The following NFX1 variants were observed in gnomAD, a reference collection of about 807,000 sequenced individuals.
NFX1 encodes the protein transcriptional repressor NF-X1.
NFX1 carries 69 observed loss-of-function variants against 137.2 expected under a neutral mutation model. The observed-to-expected ratio is 0.50, with a 90% CI of 0.41 to 0.61. The LOEUF is 0.61. Among genes scored for constraint, NFX1 ranks in the 20% least tolerant of loss-of-function variants. NFX1 has a pLI of 0.00. For synonymous variants in NFX1, 495 were observed against 474.1 expected, an observed-to-expected ratio of 1.04 and a Z score of -0.57; for missense variants, 1,167 against 1,391.0, an observed-to-expected ratio of 0.84 and a Z score of 2.56.
chr9:33,291,798 G>A (rs1429394743), intron 1 of NFX1, among the ~76,000 whole-genome samples: 1 of 152,178 alleles, frequency 6.6e-6, no homozygotes, highest in Non-Finnish European at 1.5e-5. Context: ...AGCTACTCCG[G>A]AGGCTGAGGC....
intron 11 of NFX1, among the ~76,000 whole-genome samples, chr9:33,335,879 C>CT (rs1822984659): frequency 6.6e-6 from 1 of 152,126 alleles, no homozygotes; most frequent in Non-Finnish European, 1.5e-5. Context: ...CACTTCATTC[C>CT]TTTTTATGAT....
intron 9 of NFX1, among the ~76,000 whole-genome samples, chr9:33,323,703 C>A (rs188603306): frequency 6.6e-6 from 1 of 150,760 alleles, no homozygotes; most frequent in Non-Finnish European, 1.5e-5. Flanking sequence ...CAGTGAGCCG[C>A]GATTGCGCCA....
chr9:33,318,362 G>T, intron 7 of NFX1, among the ~76,000 whole-genome samples: 1 of 152,166 alleles, frequency 6.6e-6, no homozygotes, highest in Non-Finnish European at 1.5e-5. Context: ...CAGAGGACCC[G>T]CAGGAGCCTC....
At chr9:33,325,854 A>T (rs955446495) in intron 9 of NFX1, among the ~76,000 whole-genome samples, 5 of 152,220 alleles carry the variant, frequency 3.3e-5, no homozygotes, top group African/African-American at 4.8e-5. Flanking sequence ...ACATGAAAAG[A>T]CAAAGAGCAC....
chr9:33,293,932 C>CT (rs1483373456), intron 1 of NFX1, among the ~76,000 whole-genome samples: 1 of 152,320 alleles, frequency 6.6e-6, no homozygotes, highest in East Asian at 1.9e-4. Context: ...GACAAGGAAA[C>CT]TAAGGCTAAA....
chr9:33,290,659 G>A (rs3814515), intron 1 of NFX1, 62 bp downstream of exon 1: 95,182 of 1,527,746 alleles, frequency 0.062, 3,083 homozygotes, highest in East Asian at 0.095. Context: ...GGTCAGTGAC[G>A]AAGTTCTAGG....
chr9:33,366,597 T>C, intron 21 of NFX1, 32 bp from the exon 22 acceptor site: 3 of 1,611,116 alleles, frequency 1.9e-6, no homozygotes, highest in Non-Finnish European at 1.7e-6. Context: ...CAGAATGATA[T>C]GATCAATCAG....
chr9:33,347,536 G>T (rs896101034), intron 15 of NFX1: 2 of 179,112 alleles, frequency 1.1e-5, no homozygotes, highest in Non-Finnish European at 2.4e-5. Flanking sequence ...AATAATAGAT[G>T]TTGGCGTGGA....
At chr9:33,296,328 T>C (rs148359129) in intron 2 of NFX1, among the ~76,000 whole-genome samples, 286 of 152,330 alleles carry the variant, frequency 1.9e-3, no homozygotes, top group Non-Finnish European at 3.7e-3. Context: ...CCACATTTTA[T>C]TCCCTGGATT....
intron 9 of NFX1, among the ~76,000 whole-genome samples, chr9:33,319,684 A>G (rs907501194): frequency 3.4e-4 from 51 of 152,194 alleles, no homozygotes; most frequent in Middle Eastern, 3.4e-3. Context: ...TAATTTTTGT[A>G]TTTTTAATAG....
Position 33,313,709 on chromosome 9 carries a change from A to G in NFX1, c.1504A>G (p.Asn502Asp). The G allele has an allele frequency of 1.2e-6, 2 of 1,614,096 alleles. No homozygotes were observed. The highest frequency in any genetic ancestry group is 2.2e-5 in the South Asian group (2 of 91,076). The stretch of plus-strand genomic sequence containing the variant: ...AGTCCACTGTTCTAACCCATGTGAG[A>G]ATATTTTGAACTGTGGTCAGCACCA... The part of the protein sequence containing the change: ...VSVHCSNPCE[N>D]ILNCGQHQCA... The change falls in exon 7 of 24, where the codon AAT (asparagine) becomes GAT (aspartate). Residue 502 changes from asparagine to aspartate, a missense_variant. Physicochemically the swap from Asn to Asp is conservative, Grantham distance 23. Coordinates refer to ENST00000379540, the MANE Select transcript of NFX1 (RefSeq NM_002504.6).
At chr9:33,336,128 G>A (rs1386626009) in intron 11 of NFX1, among the ~76,000 whole-genome samples, 1 of 152,070 alleles carries the variant, frequency 6.6e-6, no homozygotes, top group East Asian at 1.9e-4. Flanking sequence ...TTTCCACAGT[G>A]GCTACACCAT....
chr9:33,331,411 A>G (rs1326953912), intron 10 of NFX1, among the ~76,000 whole-genome samples: 1 of 152,168 alleles, frequency 6.6e-6, no homozygotes, highest in African/African-American at 2.4e-5. Flanking sequence ...TTAAGTCTTT[A>G]TGGTAATTCA....
chr9:33,301,469 G>A lies in NFX1; in HGVS notation c.1192+48G>A, dbSNP rs370789126. 33 of 1,557,250 alleles carry A rather than the reference G, an allele frequency of 2.1e-5. 1 individual carries two copies. In the Middle Eastern group the frequency reaches 6.8e-4, roughly 32 times the overall value. On this transcript the variant is annotated intron_variant, in intron 3 of 23. Coordinates refer to ENST00000379540, the MANE Select transcript of NFX1 (RefSeq NM_002504.6). ...GTAGTTATTCTCCCCTATTTGATAC[G>A]TTTAAGTATTATTAAGCCCAGCTTT...
At chr9:33,342,947 G>T in intron 13 of NFX1, 93 bp downstream of exon 13, 4 of 839,372 alleles carry the variant, frequency 4.8e-6, no homozygotes, top group Non-Finnish European at 5.5e-6. Context: ...GAATTGTATG[G>T]ATTCTTGAAC....
At chr9:33,353,956 C>A (rs1281871889) in intron 17 of NFX1, 130 bp from the exon 18 acceptor site, 2 of 751,974 alleles carry the variant, frequency 2.7e-6, no homozygotes, top group Non-Finnish European at 4.1e-6. Flanking sequence ...TCCCAAAGTG[C>A]TGGGCTTACA....
chr9:33,348,796 C>T (rs1379001612), intron 15 of NFX1: 76 of 984,322 alleles, frequency 7.7e-5, no homozygotes, highest in Non-Finnish European at 9.0e-5. Context: ...ACCATTCTGG[C>T]ATATAAACCA....
chr9:33,312,742 G>A (rs750973399), intron 6 of NFX1, among the ~76,000 whole-genome samples: 2 of 152,196 alleles, frequency 1.3e-5, no homozygotes, highest in Non-Finnish European at 2.9e-5. Flanking sequence ...GTGGTGACAC[G>A]TGCCTGTAGC....
intron 19 of NFX1, 70 bp downstream of exon 19, chr9:33,354,962 C>G: frequency 2.1e-6 from 3 of 1,462,636 alleles, no homozygotes; most frequent in Non-Finnish European, 2.9e-6. Flanking sequence ...GAGGGAGCAA[C>G]CCTTCAAACG....
Sources: gnomAD v4.1 joint callset for allele counts (sites outside exome capture counted in the v4.1 genomes callset) on GRCh38, gnomAD v4.1.1 for gene constraint, MANE v1.5 for transcripts, NCBI Gene and HGNC (gene_info 2026-07-23, HGNC 2026-07-21) for gene names.